SLC9A8: variants seen among roughly 807,000 people sequenced by gnomAD.
SLC9A8 encodes the protein sodium/hydrogen exchanger 8.
Under a neutral mutation model 66.6 loss-of-function variants are expected in SLC9A8, and 48 were observed. The ratio of observed to expected loss-of-function variants is 0.72; its 90% CI spans 0.57 to 0.92. The LOEUF is 0.92. Among genes scored for constraint, SLC9A8 ranks in the 40% least tolerant of loss-of-function variants. SLC9A8 has a pLI of 0.00. For missense variants in SLC9A8, 599 were observed against 747.3 expected, an observed-to-expected ratio of 0.80 and a Z score of 2.31; for synonymous variants, 274 against 282.6, an observed-to-expected ratio of 0.97 and a Z score of 0.31.
chr20:49,885,815 A>G (rs544109268), intron 14 of SLC9A8, among the ~76,000 whole-genome samples: 1 of 152,296 alleles, frequency 6.6e-6, no homozygotes, highest in African/African-American at 2.4e-5. Context: ...AGCTGTGGGC[A>G]CAGACTCCCG....
At chr20:49,826,005 A>G (rs1365614947) in intron 3 of SLC9A8, among the ~76,000 whole-genome samples, 1 of 152,180 alleles carries the variant, frequency 6.6e-6, no homozygotes, top group Non-Finnish European at 1.5e-5. Context: ...AGTCAGCCAG[A>G]GCTCTCCATC....
chr20:49,819,532 T>C (rs77676260), intron 2 of SLC9A8, among the ~76,000 whole-genome samples: 1 of 148,874 alleles, frequency 6.7e-6, no homozygotes, highest in African/African-American at 2.5e-5. Context: ...TACCTCATTC[T>C]TTTTTTTTTG....
At chr20:49,866,030 A>C (rs2088950291) in intron 10 of SLC9A8, among the ~76,000 whole-genome samples, 1 of 152,128 alleles carries the variant, frequency 6.6e-6, no homozygotes, top group African/African-American at 2.4e-5. Context: ...ATTTTTGCAA[A>C]TGTGGACAGT....
chr20:49,848,904 T>C (rs1004388213), intron 5 of SLC9A8, among the ~76,000 whole-genome samples: 13 of 152,148 alleles, frequency 8.5e-5, no homozygotes, highest in Non-Finnish European at 1.8e-4. Context: ...GACCGTGTTG[T>C]GCGAAAGCAG....
At chr20:49,834,171 CTCTCTCTCTCTCTCTATATATATA>C (rs1376282623) in intron 3 of SLC9A8, among the ~76,000 whole-genome samples, 4 of 58,914 alleles carry the variant, frequency 6.8e-5, no homozygotes, top group Admixed American at 1.8e-4. Flanking sequence ...CTCTCTCTCT[CTCTCTCTCTCTCTCTATATATATA>C]TATATATATA....
chr20:49,870,048 A>C (rs1193408944), intron 10 of SLC9A8, among the ~76,000 whole-genome samples: 2 of 152,244 alleles, frequency 1.3e-5, no homozygotes, highest in Non-Finnish European at 2.9e-5. Context: ...TACTTAAAAA[A>C]TGAACTTGAC....
intron 8 of SLC9A8, among the ~76,000 whole-genome samples, chr20:49,862,655 G>A (rs561999064): frequency 7.2e-5 from 11 of 152,180 alleles, no homozygotes; most frequent in Admixed American, 2.0e-4. Flanking sequence ...TACCCCTCCC[G>A]CGGATTGTCA....
intron 3 of SLC9A8, among the ~76,000 whole-genome samples, chr20:49,834,185 CTATA>C (rs377091649): frequency 0.033 from 1,128 of 34,396 alleles, 28 homozygotes; most frequent in Non-Finnish European, 0.037. Context: ...CTCTCTCTCT[CTATA>C]TATATATATA....
intron 3 of SLC9A8, chr20:49,830,518 C>T: frequency 1.4e-6 from 1 of 705,116 alleles, no homozygotes; most frequent in East Asian, 2.7e-5. Flanking sequence ...ACGGTGGACG[C>T]TGACATAGTC....
In SLC9A8 at chr20:49,830,915, T is replaced by G. The variant is rs915403366; in HGVS notation, c.289+7774T>G. The G allele has an allele frequency of 8.9e-6, 8 of 895,482 alleles. 1 individual carries two copies. Among genetic ancestry groups the G allele is most frequent in the Middle Eastern group, 2.4e-4 (1 of 4,108 alleles). 55.5% of individuals were successfully genotyped at this position (895,482 alleles called of 1,614,324 possible). ...ATACCCTGCAAGGAAACTTTAAGCC[T>G]GATTTCTACTGAAATACATGCAGAA... On this transcript the variant is annotated intron_variant, in intron 3 of 15. Coordinates refer to ENST00000361573, the MANE Select transcript of SLC9A8 (RefSeq NM_015266.3).
Position 49,812,901 on chromosome 20 carries a change from G to T in SLC9A8, c.-22G>T. On this transcript the variant is annotated 5_prime_UTR_variant, in exon 1 of 16. Transcript: ENST00000361573. ...TGCTAGCCCCGCGGCTCCGAACTCG[G>T]TGGTCCTGGAAGCTCCGCAGGATGG... The T allele has an allele frequency of 6.7e-7, 1 of 1,497,244 alleles. No homozygotes were observed. Among genetic ancestry groups the T allele is most frequent in the South Asian group, 1.2e-5 (1 of 81,932 alleles). The allele number at this position is 1,497,244 out of a possible 1,614,324, so 92.7% of individuals were successfully genotyped here. A position where few individuals can be genotyped will look rare whatever the true frequency, so the allele number is the denominator to read the frequency against.
rs1254382406 is a variant in SLC9A8, at chr20:49,855,574, C to T, written c.706C>T (p.Leu236=). Residue 236 remains leucine (L), a synonymous_variant, in exon 8 of 16, where the codon CTG becomes TTG. Coordinates refer to ENST00000361573, the MANE Select transcript of SLC9A8 (RefSeq NM_015266.3). Reference sequence around the variant, plus strand: ...TCTCAACGATGCAGTCTCCATTGTTCTGACCAAGTAAGTACGGGGGCAGAG... The same window carrying T: ...TCTCAACGATGCAGTCTCCATTGTTTTGACCAAGTAAGTACGGGGGCAGAG... The part of the protein sequence containing the change: ...SILNDAVSIV[L]TNTAEGLTRK... The T allele has an allele frequency of 6.2e-7, 1 of 1,614,094 alleles. No individual in the cohort carries two copies. Among genetic ancestry groups the T allele is most frequent in the Admixed American group, 1.7e-5 (1 of 60,002 alleles).
chr20:49,887,527 A>G (rs2089934955), intron 15 of SLC9A8, among the ~76,000 whole-genome samples: 2 of 152,136 alleles, frequency 1.3e-5, no homozygotes, highest in Admixed American at 1.3e-4. Flanking sequence ...GTAACCCCGC[A>G]AGGTCACAGC....
chr20:49,820,194 T>A (rs1600631444), intron 2 of SLC9A8, among the ~76,000 whole-genome samples: 1 of 152,204 alleles, frequency 6.6e-6, no homozygotes, highest in Non-Finnish European at 1.5e-5. Context: ...TTTCTGGTTT[T>A]AAAAAAATGA....
intron 3 of SLC9A8, among the ~76,000 whole-genome samples, chr20:49,828,627 T>A (rs1234633189): frequency 1.3e-5 from 2 of 150,096 alleles, no homozygotes; most frequent in East Asian, 4.0e-4. Context: ...CACCTTGAGG[T>A]CAGGAGTTTG....
At chr20:49,873,508 G>A (rs1194772052) in intron 10 of SLC9A8, among the ~76,000 whole-genome samples, 2 of 148,446 alleles carry the variant, frequency 1.3e-5, no homozygotes, top group South Asian at 2.1e-4. Context: ...AAAAGAGGCC[G>A]GGCATGTTGG....
intron 13 of SLC9A8, among the ~76,000 whole-genome samples, chr20:49,881,748 A>G (rs937353611): frequency 6.6e-6 from 1 of 152,138 alleles, no homozygotes; most frequent in Non-Finnish European, 1.5e-5. Context: ...TTAAAAATGT[A>G]TATGTTTCAT....
At chr20:49,825,875 C>T (rs901840278) in intron 3 of SLC9A8, among the ~76,000 whole-genome samples, 1 of 152,130 alleles carries the variant, frequency 6.6e-6, no homozygotes, top group Non-Finnish European at 1.5e-5. Context: ...TGTGGTAAGC[C>T]CTTAAAGCAG....
chr20:49,847,382 CTTT>C (rs11334417), intron 5 of SLC9A8, among the ~76,000 whole-genome samples: 7 of 113,912 alleles, frequency 6.1e-5, no homozygotes, highest in Non-Finnish European at 7.4e-5. Context: ...TTTTTCTTTT[CTTT>C]TTTTTTTTTT....
Sources: gnomAD v4.1 joint callset for allele counts (sites outside exome capture counted in the v4.1 genomes callset) on GRCh38, gnomAD v4.1.1 for gene constraint, MANE v1.5 for transcripts, NCBI Gene and HGNC (gene_info 2026-07-23, HGNC 2026-07-21) for gene names.